INTS4: variants seen among roughly 807,000 people sequenced by gnomAD.
The protein encoded by INTS4 is integrator complex subunit 4.
INTS4 carries 70 observed loss-of-function variants against 119.5 expected under a neutral mutation model. The observed-to-expected ratio is 0.59, with a 90% CI of 0.48 to 0.71. INTS4 has a LOEUF of 0.71. INTS4 is among the 30% of genes least tolerant of loss of function. The probability of loss-of-function intolerance (pLI) is 0.00; values close to 1 mark genes in which losing one functional copy is unlikely to be tolerated. For missense variants in INTS4, 867 were observed against 1,173.2 expected, an observed-to-expected ratio of 0.74 and a Z score of 3.81; for synonymous variants, 316 against 419.6, an observed-to-expected ratio of 0.75 and a Z score of 3.02.
At chr11:77,947,185 G>C (rs1350668400) in intron 8 of INTS4, among the ~76,000 whole-genome samples, 2 of 151,680 alleles carry the variant, frequency 1.3e-5, no homozygotes, top group African/African-American at 2.4e-5. Context: ...ACAAATACTT[G>C]CATTGAAGAT....
intron 10 of INTS4, among the ~76,000 whole-genome samples, chr11:77,934,200 T>G (rs1045082902): frequency 2.0e-5 from 3 of 151,888 alleles, no homozygotes; most frequent in South Asian, 2.1e-4. Context: ...CAGCATGCTC[T>G]TTAAGAGTCA....
At chr11:77,973,981 G>C (rs1281226996) in intron 4 of INTS4, among the ~76,000 whole-genome samples, 1 of 152,078 alleles carries the variant, frequency 6.6e-6, no homozygotes, top group Non-Finnish European at 1.5e-5. Flanking sequence ...TCTATTTCTT[G>C]GGAGAGTTTG....
intron 4 of INTS4, among the ~76,000 whole-genome samples, chr11:77,968,125 G>C (rs182084989): frequency 6.6e-6 from 1 of 152,138 alleles, no homozygotes; most frequent in Non-Finnish European, 1.5e-5. Context: ...AAAAAGTACA[G>C]TAAAAATATA....
intron 22 of INTS4, among the ~76,000 whole-genome samples, chr11:77,880,012 T>G (rs1452817562): frequency 6.6e-6 from 1 of 152,182 alleles, no homozygotes; most frequent in Non-Finnish European, 1.5e-5. Context: ...GCCCAGTTCA[T>G]AAACTGAAGC....
chr11:77,928,622 G>A, intron 10 of INTS4, 75 bp from the exon 11 acceptor site: 6 of 1,525,732 alleles, frequency 3.9e-6, no homozygotes, highest in Admixed American at 2.1e-5. Context: ...AGCACTTTGG[G>A]AGGCCAAGGG....
chr11:77,994,475 C>A, intron 1 of INTS4, 115 bp downstream of exon 1: 1 of 797,524 alleles, frequency 1.3e-6, no homozygotes, highest in Non-Finnish European at 2.2e-6. Context: ...AGATTATCAA[C>A]AAGTCAGCAC....
At chr11:77,975,723 C>A (rs1048133424) in intron 4 of INTS4, among the ~76,000 whole-genome samples, 2 of 151,860 alleles carry the variant, frequency 1.3e-5, no homozygotes, top group Admixed American at 6.6e-5. Context: ...TTTGGGAGGC[C>A]GAGGCGGGCG....
At chr11:77,905,113 T>C (rs1260270465) in intron 16 of INTS4, among the ~76,000 whole-genome samples, 2 of 152,140 alleles carry the variant, frequency 1.3e-5, no homozygotes, top group East Asian at 3.9e-4. Flanking sequence ...CTGCCCTCAA[T>C]GTTGGCGGGC....
intron 4 of INTS4, chr11:77,963,540 T>C (rs1429277010): frequency 8.0e-6 from 3 of 373,374 alleles, no homozygotes; most frequent in Admixed American, 4.1e-5. Flanking sequence ...TCCCCAATAA[T>C]AAGACCAATT....
At chr11:77,946,083 A>AC (rs1178603066) in intron 8 of INTS4, among the ~76,000 whole-genome samples, 12 of 152,228 alleles carry the variant, frequency 7.9e-5, no homozygotes, top group Non-Finnish European at 1.5e-4. Flanking sequence ...AACCAGATAG[A>AC]CAGCCTGGCA....
At chr11:77,933,302 C>T (rs983939263) in intron 10 of INTS4, among the ~76,000 whole-genome samples, 1 of 152,016 alleles carries the variant, frequency 6.6e-6, no homozygotes, top group Non-Finnish European at 1.5e-5. Flanking sequence ...GCCACCATCT[C>T]GGCTCACTGC....
rs563505794 is a variant in INTS4, at chr11:77,899,577, G to A, written c.2228+1844C>T. ...CCCAGCTACTTGGGAGGCTGAGGCA[G>A]GAGAATCGCTTGAACCCAGGAGGCA... On this transcript the variant is annotated intron_variant, in intron 18 of 22. Transcript: ENST00000534064. 2.0e-5 allele frequency among the ~76,000 whole-genome samples: 3 copies of A among 151,888 alleles called. No individual in the cohort carries two copies. In the South Asian group the frequency reaches 6.2e-4, roughly 32 times the overall value.
intron 22 of INTS4, among the ~76,000 whole-genome samples, chr11:77,879,810 C>A (rs1480290843): frequency 1.3e-5 from 2 of 152,130 alleles, no homozygotes; most frequent in Non-Finnish European, 2.9e-5. Flanking sequence ...TCTAACCAAG[C>A]CTGCAAGAAG....
In INTS4 at chr11:77,947,943, A is replaced by C. The variant is rs573603640; in HGVS notation, c.919-6692T>G. On this transcript the variant is annotated intron_variant, in intron 8 of 22. Transcript: ENST00000534064. ...ACTGCAGCCTCAATCTTCCAGGCTC[A>C]AGTGATCCTCCCACCTCAGCCTCCT... Among the ~76,000 whole-genome samples, 5 of 152,278 alleles carry C rather than the reference A, an allele frequency of 3.3e-5. No homozygotes were observed. In the South Asian group the frequency reaches 1.0e-3, roughly 32 times the overall value.
intron 19 of INTS4, among the ~76,000 whole-genome samples, 156 bp from the exon 20 acceptor site, chr11:77,891,996 A>G (rs915524458): frequency 2.0e-4 from 31 of 152,162 alleles, no homozygotes; most frequent in Admixed American, 1.6e-3. Context: ...CTATACAATC[A>G]TGCCTCAGTC....
chr11:77,878,656 A>G (rs1951674065), downstream of INTS4: 1 of 646,968 alleles, frequency 1.5e-6, no homozygotes, highest in Non-Finnish European at 2.7e-6. Context: ...GCATGTAAGC[A>G]CGTAGTATAA....
intron 17 of INTS4, among the ~76,000 whole-genome samples, chr11:77,903,010 T>G (rs1305069202): frequency 4.6e-5 from 7 of 152,224 alleles, no homozygotes; most frequent in Non-Finnish European, 7.3e-5. Context: ...CCTTAAGTGA[T>G]GTGCCCATCT....
intron 8 of INTS4, among the ~76,000 whole-genome samples, chr11:77,948,321 A>G (rs1360526904): frequency 2.0e-5 from 3 of 152,252 alleles, no homozygotes; most frequent in East Asian, 1.9e-4. Flanking sequence ...AATTAACAAA[A>G]TGGCAGGAAT....
intron 8 of INTS4, among the ~76,000 whole-genome samples, chr11:77,952,345 G>A (rs1954216598): frequency 6.6e-6 from 1 of 152,186 alleles, no homozygotes; most frequent in South Asian, 2.1e-4. Flanking sequence ...TGTGGTCTCA[G>A]ACAAATTATA....
Sources: gnomAD v4.1 joint callset for allele counts (sites outside exome capture counted in the v4.1 genomes callset) on GRCh38, gnomAD v4.1.1 for gene constraint, MANE v1.5 for transcripts, NCBI Gene and HGNC (gene_info 2026-07-23, HGNC 2026-07-21) for gene names.